Variants in PDE1C observed in about 807,000 individuals in gnomAD.
PDE1C encodes phosphodiesterase 1C, also known as dual specificity calcium/calmodulin-dependent 3',5'-cyclic nucleotide phosphodiesterase 1C.
Under a neutral mutation model 93.1 loss-of-function variants are expected in PDE1C, and 62 were observed. That is an observed-to-expected ratio of 0.67 (90% CI 0.54 to 0.82). The LOEUF is 0.82. PDE1C is among the 40% of genes least tolerant of loss of function. PDE1C has a pLI of 0.00. For missense variants in PDE1C, 742 were observed against 884.6 expected, an observed-to-expected ratio of 0.84 and a Z score of 2.04; for synonymous variants, 325 against 310.1, an observed-to-expected ratio of 1.05 and a Z score of -0.50.
At chr7:32,397,032 A>T (rs1040988429) in intron 1 of PDE1C, among the ~76,000 whole-genome samples, 10 of 152,238 alleles carry the variant, frequency 6.6e-5, no homozygotes, top group Admixed American at 4.6e-4. Flanking sequence ...ATACTACATG[A>T]AAACATGGGT....
intron 1 of PDE1C, among the ~76,000 whole-genome samples, chr7:32,290,042 C>T (rs1423944734): frequency 1.3e-5 from 2 of 152,220 alleles, no homozygotes; most frequent in African/African-American, 4.8e-5. Context: ...CAACTTCTAG[C>T]AACTCTGCCT....
chr7:31,820,142 G>C (rs1403304606), intron 14 of PDE1C, among the ~76,000 whole-genome samples: 1 of 151,900 alleles, frequency 6.6e-6, no homozygotes, highest in Admixed American at 6.6e-5. Flanking sequence ...ATATTCAAAA[G>C]AAAGGCCAAA....
intron 1 of PDE1C, among the ~76,000 whole-genome samples, chr7:32,228,596 G>C (rs1807463928): frequency 6.6e-6 from 1 of 152,148 alleles, no homozygotes. Context: ...AAGCTCCATG[G>C]CTCCTCAGAA....
chr7:32,082,843 A>G (rs1584725422), intron 3 of PDE1C, among the ~76,000 whole-genome samples: 1 of 151,840 alleles, frequency 6.6e-6, no homozygotes, highest in Non-Finnish European at 1.5e-5. Context: ...CACACCAAAA[A>G]CCCATCTGTA....
At chr7:31,664,064 G>T in the PDE1C span, among the ~76,000 whole-genome samples, 1 of 152,178 alleles carries the variant, frequency 6.6e-6, no homozygotes, top group African/African-American at 2.4e-5. Context: ...GATTTGCTCA[G>T]TGTCACACAA....
chr7:31,696,981 T>C, the PDE1C span: 377 of 1,614,004 alleles, frequency 2.3e-4, no homozygotes, highest in Non-Finnish European at 3.1e-4. Flanking sequence ...TTTCAGAACA[T>C]TTAATTAAAA....
At chr7:31,890,819 GA>G (rs1004535392) in intron 2 of PDE1C, among the ~76,000 whole-genome samples, 6 of 152,164 alleles carry the variant, frequency 3.9e-5, no homozygotes, top group African/African-American at 1.2e-4. Flanking sequence ...AAAATTATAG[GA>G]AAAAAACCTC....
At chr7:31,680,837 G>A in the PDE1C span, among the ~76,000 whole-genome samples, 1 of 152,180 alleles carries the variant, frequency 6.6e-6, no homozygotes, top group Non-Finnish European at 1.5e-5. Flanking sequence ...AAAACTGAGT[G>A]AAAGGGCAAA....
chr7:31,641,517 T>C, the PDE1C span, among the ~76,000 whole-genome samples: 2 of 152,168 alleles, frequency 1.3e-5, no homozygotes, highest in Non-Finnish European at 1.5e-5. Flanking sequence ...ATGGTGACAC[T>C]CTGGTAGCCA....
the PDE1C span, chr7:31,652,036 G>A: frequency 4.4e-6 from 7 of 1,599,286 alleles, no homozygotes; most frequent in Non-Finnish European, 6.0e-6. Flanking sequence ...GCAAATCAGA[G>A]AAGGGATTTT....
intron 1 of PDE1C, among the ~76,000 whole-genome samples, chr7:32,283,727 G>A (rs540537397): frequency 6.6e-6 from 1 of 152,288 alleles, no homozygotes; most frequent in East Asian, 1.9e-4. Flanking sequence ...GACTTCAACG[G>A]TCCCGTCCCA....
chr7:32,291,049 G>T (rs1265820296), intron 1 of PDE1C, among the ~76,000 whole-genome samples: 1 of 152,106 alleles, frequency 6.6e-6, no homozygotes. Context: ...AACTTACTTT[G>T]TACCAGGTGC....
intron 1 of PDE1C, among the ~76,000 whole-genome samples, chr7:32,358,096 T>C (rs71530588): frequency 6.6e-6 from 1 of 152,186 alleles, no homozygotes; most frequent in Non-Finnish European, 1.5e-5. Context: ...CCCAGCACTG[T>C]GTTATCTTCT....
rs921032420 is a variant in PDE1C at position 31,983,779 on chromosome 7, T to C, written c.128+67775A>G. On this transcript the variant is annotated intron_variant, in intron 2 of 17. Transcript: ENST00000396191. ...GCAAATTTTAAAACCCTCTGATTTA[T>C]CATTCCACCACTTCACTTATTTGTA... Among the ~76,000 whole-genome samples the C allele has an allele frequency of 2.6e-5, 4 of 152,304 alleles. No homozygotes were observed. The South Asian group carries it at 8.3e-4, about 32-fold the overall frequency.
chr7:32,418,271 G>A (rs78857194), intron 1 of PDE1C, among the ~76,000 whole-genome samples: 10,525 of 152,138 alleles, frequency 0.069, 506 homozygotes, highest in African/African-American at 0.13. Context: ...GATGTCTCAG[G>A]CAGTTCAGCA....
chr7:32,251,560 C>A (rs1292529288), intron 1 of PDE1C, among the ~76,000 whole-genome samples: 1 of 152,164 alleles, frequency 6.6e-6, no homozygotes, highest in Admixed American at 6.5e-5. Context: ...TGCATCTTCT[C>A]TGGATTGCTG....
intron 1 of PDE1C, among the ~76,000 whole-genome samples, chr7:32,338,171 T>G (rs967638824): frequency 6.6e-6 from 1 of 151,624 alleles, no homozygotes; most frequent in African/African-American, 2.4e-5. Context: ...ATCAGAAGAG[T>G]GGAAAGACAA....
intron 3 of PDE1C, among the ~76,000 whole-genome samples, chr7:32,106,131 C>G (rs770326288): frequency 6.6e-6 from 1 of 152,138 alleles, no homozygotes; most frequent in African/African-American, 2.4e-5. Context: ...CCTGCCTCAG[C>G]GTTCTGAGTA....
the PDE1C span, among the ~76,000 whole-genome samples, chr7:31,635,669 T>C: frequency 6.6e-6 from 1 of 152,114 alleles, no homozygotes; most frequent in Non-Finnish European, 1.5e-5. Context: ...GCCGTTCTCA[T>C]GCTGCTATGA....
Sources: gnomAD v4.1 joint callset for allele counts (sites outside exome capture counted in the v4.1 genomes callset) on GRCh38, gnomAD v4.1.1 for gene constraint, MANE v1.5 for transcripts, NCBI Gene and HGNC (gene_info 2026-07-23, HGNC 2026-07-21) for gene names.